MYO9A: variants seen among roughly 807,000 people sequenced by gnomAD.
MYO9A encodes unconventional myosin-IXa.
A neutral mutation model predicts 293.3 loss-of-function variants in MYO9A; 103 were observed. That is an observed-to-expected ratio of 0.35 (90% CI 0.30 to 0.41). The LOEUF (loss-of-function observed/expected upper bound fraction) is 0.41. Ranked by LOEUF, MYO9A falls within the 10% of genes least tolerant of loss-of-function variation. The pLI is 1.00. For synonymous variants in MYO9A, 1,001 were observed against 1,035.7 expected, an observed-to-expected ratio of 0.97 and a Z score of 0.64; for missense variants, 2,685 against 3,033.0, an observed-to-expected ratio of 0.89 and a Z score of 2.69.
intron 32 of MYO9A, among the ~76,000 whole-genome samples, chr15:71,874,561 G>A (rs1225922456): frequency 6.6e-6 from 1 of 152,212 alleles, no homozygotes; most frequent in Non-Finnish European, 1.5e-5. Flanking sequence ...TCTGAGTAGA[G>A]AAAGGATATG....
intron 1 of MYO9A, among the ~76,000 whole-genome samples, chr15:72,098,189 C>T (rs1448184113): frequency 1.3e-5 from 2 of 151,860 alleles, no homozygotes; most frequent in South Asian, 2.1e-4. Context: ...AATGCAGAAA[C>T]AAGGCTAGGT....
intron 15 of MYO9A, among the ~76,000 whole-genome samples, chr15:71,946,215 ATTTGGATAG>A (rs1178710477): frequency 6.6e-6 from 1 of 152,222 alleles, no homozygotes; most frequent in Non-Finnish European, 1.5e-5. Context: ...TCATGAAATG[ATTTGGATAG>A]TGTTCCCTTC....
intron 22 of MYO9A, among the ~76,000 whole-genome samples, chr15:71,901,670 G>C (rs1485634373): frequency 6.7e-6 from 1 of 149,460 alleles, no homozygotes; most frequent in East Asian, 2.0e-4. Flanking sequence ...AAAAAAAAAA[G>C]ACAAAAAAAG....
At chr15:71,922,776 T>C (rs2058188507) in intron 18 of MYO9A, among the ~76,000 whole-genome samples, 1 of 152,192 alleles carries the variant, frequency 6.6e-6, no homozygotes, top group Admixed American at 6.5e-5. Flanking sequence ...GGGGAGCAAA[T>C]ATGTACAAAT....
chr15:71,835,348 A>C (rs2054896737), intron 39 of MYO9A, among the ~76,000 whole-genome samples: 1 of 152,156 alleles, frequency 6.6e-6, no homozygotes, highest in African/African-American at 2.4e-5. Flanking sequence ...AGCAAATGAA[A>C]CTATCATTAT....
rs1043497872 is a variant in MYO9A at position 71,822,735 on chromosome 15, G to A, written c.*3845C>T. ...GTGCAACTTTTATATGACCTCAGAG[G>A]GCTGATAAATAGGCATTAAGAATGG... On this transcript the variant is annotated 3_prime_UTR_variant, in exon 42 of 42. Coordinates refer to ENST00000356056, the MANE Select transcript of MYO9A (RefSeq NM_006901.4). 3 of 152,096 alleles carry A rather than the reference G, an allele frequency of 2.0e-5. No homozygotes were observed. The highest frequency in any genetic ancestry group is 7.2e-5 in the African/African-American group (3 of 41,416). The allele number at this position is 152,096 out of a possible 1,614,324, so 9.4% of individuals were successfully genotyped here. A position where few individuals can be genotyped will look rare whatever the true frequency, so the allele number is the denominator to read the frequency against.
rs145718155 is a variant in MYO9A at position 71,854,387 on chromosome 15, A to T, written c.6336T>A (p.Gly2112=). ...AGGGCACTATCTTACCTGTATCTAG[A>T]CCCTGCCGAAGCTCCTTGATTTTAT... ...STNKIKELRQ[G]LDTDAESVNL... The change falls in exon 35 of 42, where the codon GGT becomes GGA. Residue 2112 remains glycine (G), a synonymous_variant. Transcript: ENST00000356056. 1,400 of 1,589,772 alleles carry T rather than the reference A, an allele frequency of 8.8e-4. 17 individuals are homozygous for T. In the African/African-American group the frequency reaches 0.017, roughly 19 times the overall value.
At chr15:72,008,467 G>A (rs1378612536) in intron 7 of MYO9A, among the ~76,000 whole-genome samples, 1 of 150,234 alleles carries the variant, frequency 6.7e-6, no homozygotes, top group East Asian at 2.0e-4. Context: ...GTGTGTGTGT[G>A]TGTGTGTGAA....
intron 31 of MYO9A, among the ~76,000 whole-genome samples, chr15:71,877,104 TG>T (rs1267493773): frequency 6.6e-6 from 1 of 152,188 alleles, no homozygotes; most frequent in Non-Finnish European, 1.5e-5. Flanking sequence ...AAAATATTGA[TG>T]GTATTCTTGA....
chr15:72,070,631 G>A (rs562620791), intron 1 of MYO9A, among the ~76,000 whole-genome samples: 16 of 151,896 alleles, frequency 1.1e-4, no homozygotes, highest in African/African-American at 1.2e-4. Context: ...TGGAGGCTGC[G>A]GTGAACCAAA....
intron 32 of MYO9A, among the ~76,000 whole-genome samples, chr15:71,873,205 C>T (rs921190367): frequency 2.6e-5 from 4 of 151,980 alleles, no homozygotes; most frequent in Non-Finnish European, 4.4e-5. Flanking sequence ...AAGTGTGAAC[C>T]ACCGCGCCTG....
intron 4 of MYO9A, among the ~76,000 whole-genome samples, chr15:72,026,460 G>A (rs1347511115): frequency 2.0e-5 from 3 of 151,286 alleles, no homozygotes; most frequent in Non-Finnish European, 4.4e-5. Context: ...TTGAAGCAGT[G>A]CTTAGAGGGG....
At chr15:72,044,148 TG>T in intron 2 of MYO9A, among the ~76,000 whole-genome samples, 1 of 152,216 alleles carries the variant, frequency 6.6e-6, no homozygotes, top group South Asian at 2.1e-4. Flanking sequence ...GGCTCATGCC[TG>T]TAATCCCAGC....
intron 11 of MYO9A, among the ~76,000 whole-genome samples, chr15:71,989,484 G>T (rs984443928): frequency 6.6e-6 from 1 of 152,094 alleles, no homozygotes; most frequent in Non-Finnish European, 1.5e-5. Context: ...TCAGCCCTCT[G>T]TATATGCAGG....
chr15:71,833,833 T>C (rs549597234), intron 39 of MYO9A, among the ~76,000 whole-genome samples: 18 of 152,198 alleles, frequency 1.2e-4, no homozygotes, highest in African/African-American at 4.3e-4. Context: ...TTAGAAAATA[T>C]TTTGAATGAA....
chr15:71,894,034 T>C (rs900346968), intron 25 of MYO9A, among the ~76,000 whole-genome samples: 1 of 152,136 alleles, frequency 6.6e-6, no homozygotes, highest in Non-Finnish European at 1.5e-5. Flanking sequence ...TTAAGAATAG[T>C]AGCTGCAAAA....
At chr15:71,986,143 T>A (rs564306718) in intron 11 of MYO9A, among the ~76,000 whole-genome samples, 2 of 152,244 alleles carry the variant, frequency 1.3e-5, no homozygotes, top group South Asian at 4.1e-4. Context: ...GCAAAAAATA[T>A]AAACTTAGAA....
At chr15:71,844,890 A>G (rs1026184857) in intron 39 of MYO9A, among the ~76,000 whole-genome samples, 1 of 152,232 alleles carries the variant, frequency 6.6e-6, no homozygotes, top group Non-Finnish European at 1.5e-5. Flanking sequence ...AAGTCATGAT[A>G]CTTTATGAAG....
chr15:71,917,553 C>A (rs1196519720), intron 18 of MYO9A, among the ~76,000 whole-genome samples: 1 of 151,892 alleles, frequency 6.6e-6, no homozygotes, highest in Admixed American at 6.6e-5. Context: ...AACAAAAAAA[C>A]CAAAGCATAG....
Sources: allele counts gnomAD v4.1 joint callset (sites outside exome capture counted in the v4.1 genomes callset), GRCh38; gene constraint gnomAD v4.1.1; transcripts MANE v1.5; gene names NCBI Gene and HGNC (gene_info 2026-07-23, HGNC 2026-07-21).